PAG1: variants seen among roughly 807,000 people sequenced by gnomAD.
PAG1 encodes the protein phosphoprotein associated with glycosphingolipid-enriched microdomains 1.
In PAG1, 23 loss-of-function variants were observed where a neutral mutation model predicts 31.7. The observed-to-expected ratio is 0.73, with a 90% confidence interval of 0.52 to 1.03. The LOEUF (loss-of-function observed/expected upper bound fraction) is 1.03, where lower values mean the gene tolerates loss of function less well. Ranked by LOEUF, PAG1 falls within the 50% of genes least tolerant of loss-of-function variation. The pLI, the probability that PAG1 is intolerant of heterozygous loss-of-function variation, is 0.00. For missense variants in PAG1, 473 were observed against 540.7 expected (o/e 0.87, Z 1.24); for synonymous variants, 214 against 210.3 (o/e 1.02, Z -0.15).
In PAG1 at chr8:80,976,528, G is replaced by A. The variant is rs1345645482; in HGVS notation, c.*16C>T. On this transcript the variant is annotated 3_prime_UTR_variant, in exon 9 of 9. Coordinates refer to ENST00000220597, the MANE Select transcript of PAG1 (RefSeq NM_018440.4). ...AGACACTGATCACAGGCTACCCAGGGTTGTCTTCTGGGTTGCTAGAGCCTG... is the reference window on the plus strand; with the variant it reads ...AGACACTGATCACAGGCTACCCAGGATTGTCTTCTGGGTTGCTAGAGCCTG... 4.4e-6 allele frequency: 7 copies of A among 1,596,152 alleles called. No homozygotes were observed. The African/African-American group carries it at 5.4e-5, about 12-fold the overall frequency.
chr8:81,058,476 T>A (rs376090461), intron 2 of PAG1: 3 of 152,222 alleles, frequency 2.0e-5, no homozygotes, highest in African/African-American at 7.2e-5. Context: ...TTAAAGCTGG[T>A]GGTGTGTGCC....
intron 2 of PAG1, among the ~76,000 whole-genome samples, chr8:81,048,999 C>T (rs1019007774): frequency 2.6e-5 from 4 of 152,178 alleles, no homozygotes; most frequent in African/African-American, 9.7e-5. Context: ...ACGATTATGA[C>T]TTTATTAATG....
intron 2 of PAG1, among the ~76,000 whole-genome samples, chr8:81,034,875 G>C (rs190073738): frequency 8.3e-4 from 126 of 152,316 alleles, no homozygotes; most frequent in African/African-American, 2.5e-3. Context: ...AAGGCTGCCA[G>C]GAGAAGGGAG....
At chr8:81,076,701 G>A (rs1189025428) in intron 1 of PAG1, among the ~76,000 whole-genome samples, 1 of 152,120 alleles carries the variant, frequency 6.6e-6, no homozygotes, top group East Asian at 1.9e-4. Flanking sequence ...AAGACAAGCT[G>A]TAAGAAAATA....
intron 2 of PAG1, chr8:81,067,537 G>A (rs1033047773): frequency 6.6e-6 from 1 of 152,188 alleles, no homozygotes; most frequent in African/African-American, 2.4e-5. Context: ...TATTAAAATT[G>A]ACTGATTTAA....
chr8:81,022,715 T>G (rs886128185), intron 3 of PAG1, among the ~76,000 whole-genome samples: 2 of 152,316 alleles, frequency 1.3e-5, no homozygotes, highest in Admixed American at 1.3e-4. Flanking sequence ...AAAAACAGTA[T>G]AGGGATTTGT....
chr8:81,027,770 T>C (rs1409516920), intron 3 of PAG1, among the ~76,000 whole-genome samples: 1 of 151,912 alleles, frequency 6.6e-6, no homozygotes, highest in African/African-American at 2.4e-5. Context: ...CTGGGCGTGG[T>C]GGCGGATGCC....
intron 3 of PAG1, among the ~76,000 whole-genome samples, chr8:81,023,919 G>A (rs1428618947): frequency 1.3e-5 from 2 of 152,088 alleles, no homozygotes; most frequent in African/African-American, 2.4e-5. Context: ...AATGATAATC[G>A]TCACAACATC....
At chr8:80,997,217 G>A (rs1400890424) in intron 3 of PAG1, among the ~76,000 whole-genome samples, 4 of 152,222 alleles carry the variant, frequency 2.6e-5, no homozygotes, top group Non-Finnish European at 4.4e-5. Context: ...CTATTTCTCC[G>A]AATCCTGTTC....
chr8:81,027,607 A>G (rs1808304183), intron 3 of PAG1, among the ~76,000 whole-genome samples: 1 of 152,210 alleles, frequency 6.6e-6, no homozygotes, highest in African/African-American at 2.4e-5. Flanking sequence ...AGCTGTTCTT[A>G]AGAATATAGG....
At position 81,086,723 on chromosome 8, in the gene PAG1, G is replaced by A. The variant is rs1179645657; in HGVS notation, c.-233-16553C>T. On this transcript the variant is annotated intron_variant, in intron 1 of 8. Transcript: ENST00000220597. ...CAAATTGTTCATAATTGTAGGAAAA[G>A]ATGTTCCACCTCATTGGCAGCCAGG... Among the ~76,000 whole-genome samples, 3 of 152,228 alleles carry A rather than the reference G, an allele frequency of 2.0e-5. No homozygotes were observed. The South Asian group carries it at 6.2e-4, about 32-fold the overall frequency.
At chr8:81,001,966 G>A (rs992442909) in intron 3 of PAG1, among the ~76,000 whole-genome samples, 10 of 152,076 alleles carry the variant, frequency 6.6e-5, no homozygotes, top group Middle Eastern at 3.2e-3. Context: ...CTTGTTTTAG[G>A]GCCAGAGAGA....
chr8:80,995,109 AACACTGTCAC>A (rs1807644057), intron 3 of PAG1, among the ~76,000 whole-genome samples: 1 of 152,224 alleles, frequency 6.6e-6, no homozygotes, highest in Non-Finnish European at 1.5e-5. Context: ...CTCCAGGTGA[AACACTGTCAC>A]ATTTATTTGA....
chr8:80,989,312 G>A (rs1807489624), intron 5 of PAG1, among the ~76,000 whole-genome samples: 1 of 152,176 alleles, frequency 6.6e-6, no homozygotes, highest in Non-Finnish European at 1.5e-5. Context: ...CATGGGTGTG[G>A]GGAAGGAAGA....
chr8:81,085,972 GTTTTTTTTTTT>G (rs869177030), intron 1 of PAG1, among the ~76,000 whole-genome samples: 940 of 58,888 alleles, frequency 0.016, 11 homozygotes, highest in Non-Finnish European at 0.021. Context: ...AATCTGGCTT[GTTTTTTTTTTT>G]TTTTTTTTTT....
In PAG1 at chr8:81,089,351, G is replaced by A. The variant is rs142204435; in HGVS notation, c.-233-19181C>T. Among the ~76,000 whole-genome samples, 844 of 152,194 alleles carry A rather than the reference G, an allele frequency of 5.5e-3. 7 individuals carry two copies. The highest frequency in any genetic ancestry group is 0.019 in the African/African-American group (800 of 41,526). ...TTGGGGGCTGAGGTGGGAGGATCAC[G>A]AGGTCAGGAGATCGAGGCCATCCTG... On this transcript the variant is annotated intron_variant, in intron 1 of 8. Transcript: ENST00000220597.
intron 1 of PAG1, among the ~76,000 whole-genome samples, chr8:81,081,971 G>C (rs538880979): frequency 4.4e-4 from 67 of 152,140 alleles, no homozygotes; most frequent in Non-Finnish European, 8.1e-4. Flanking sequence ...CAAAATCCTT[G>C]GCCGGGTATG....
chr8:80,981,062 C>T (rs565953417), intron 7 of PAG1, among the ~76,000 whole-genome samples: 4 of 152,140 alleles, frequency 2.6e-5, no homozygotes, highest in Admixed American at 6.5e-5. Flanking sequence ...TTCTAAATCC[C>T]GCCCTTCAGT....
chr8:81,043,657 G>A (rs1808592231), intron 2 of PAG1, among the ~76,000 whole-genome samples: 1 of 152,194 alleles, frequency 6.6e-6, no homozygotes, highest in Non-Finnish European at 1.5e-5. Context: ...ACATTACAAT[G>A]ATTAGTCCTG....
Sources: allele counts gnomAD v4.1 joint callset (sites outside exome capture counted in the v4.1 genomes callset), GRCh38; gene constraint gnomAD v4.1.1; transcripts MANE v1.5; gene names NCBI Gene and HGNC (gene_info 2026-07-23, HGNC 2026-07-21).